The following GPHN variants were observed in gnomAD, a reference collection of about 807,000 sequenced individuals.
GPHN encodes gephyrin.
A neutral mutation model predicts 95.5 loss-of-function variants in GPHN; 17 were observed. That is an observed-to-expected ratio of 0.18 (90% CI 0.12 to 0.27). GPHN has a LOEUF of 0.27. Among genes scored for constraint, GPHN ranks in the 10% least tolerant of loss-of-function variants. The pLI is 1.00. For missense variants in GPHN, 660 were observed against 978.1 expected (o/e 0.67, Z 4.34); for synonymous variants, 320 against 322.5 (o/e 0.99, Z 0.08).
At chr14:67,232,053 G>T in the GPHN span, among the ~76,000 whole-genome samples, 2 of 151,788 alleles carry the variant, frequency 1.3e-5, no homozygotes, top group African/African-American at 4.8e-5. Context: ...TTAAAAATAT[G>T]TCTACAAATG....
At position 66,940,683 on chromosome 14, in the gene GPHN, T is replaced by C. The variant is rs58058469; in HGVS notation, c.828+16391T>C. ...AGGAATCAGTCATGCTCACCTGCAT[T>C]GTGCCTTTTAACTTCCATTACCGTC... On this transcript the variant is annotated intron_variant, in intron 8 of 22. Coordinates refer to ENST00000478722, the MANE Select transcript of GPHN (RefSeq NM_020806.5). 9.1e-4 allele frequency among the ~76,000 whole-genome samples: 139 copies of C among 152,322 alleles called. 1 individual carries two copies. The highest frequency in any genetic ancestry group is 1.5e-3 in the Non-Finnish European group (101 of 68,034).
chr14:67,698,249 G>C, the GPHN span, among the ~76,000 whole-genome samples: 1 of 152,166 alleles, frequency 6.6e-6, no homozygotes, highest in Non-Finnish European at 1.5e-5. Flanking sequence ...AATTTCAGGT[G>C]GTTTATAGAC....
the GPHN span, chr14:67,345,681 A>T: frequency 1.7e-5 from 14 of 805,844 alleles, no homozygotes; most frequent in Non-Finnish European, 2.9e-5. Flanking sequence ...TACAAAGCAC[A>T]GTATATGCTG....
At chr14:66,840,987 A>T (rs1170181846) in intron 4 of GPHN, among the ~76,000 whole-genome samples, 2 of 86,204 alleles carry the variant, frequency 2.3e-5, no homozygotes, top group African/African-American at 1.2e-4. Flanking sequence ...ATAGATATAG[A>T]TATAGATATA....
chr14:67,076,712 C>T (rs771779801), intron 11 of GPHN, among the ~76,000 whole-genome samples: 1 of 152,112 alleles, frequency 6.6e-6, no homozygotes, highest in Non-Finnish European at 1.5e-5. Context: ...GCATCAATGC[C>T]GTTACAATGG....
chr14:67,501,389 G>C, the GPHN span, among the ~76,000 whole-genome samples: 22 of 152,188 alleles, frequency 1.4e-4, no homozygotes, highest in African/African-American at 5.1e-4. Flanking sequence ...TTTTGAGACA[G>C]GATCTTGCTC....
intron 5 of GPHN, among the ~76,000 whole-genome samples, chr14:66,890,591 A>G (rs2064431701): frequency 6.6e-6 from 1 of 152,124 alleles, no homozygotes; most frequent in Non-Finnish European, 1.5e-5. Context: ...GAATGGCAGC[A>G]TTGGTCTCAT....
intron 11 of GPHN, among the ~76,000 whole-genome samples, chr14:67,073,909 A>G (rs2076401393): frequency 5.9e-5 from 9 of 152,208 alleles, no homozygotes; most frequent in Admixed American, 5.9e-4. Context: ...TAATGAATGT[A>G]CTGGTTTTCA....
intron 1 of GPHN, among the ~76,000 whole-genome samples, chr14:66,623,972 G>A (rs2063418488): frequency 6.6e-6 from 1 of 152,064 alleles, no homozygotes; most frequent in Admixed American, 6.5e-5. Flanking sequence ...ACAACTGCAG[G>A]GTTTGGACAC....
intron 2 of GPHN, among the ~76,000 whole-genome samples, chr14:66,692,511 G>A (rs776951865): frequency 5.3e-5 from 8 of 152,206 alleles, no homozygotes; most frequent in Non-Finnish European, 1.0e-4. Context: ...TCCAACCTAC[G>A]TCTCTCTAAT....
intron 8 of GPHN, 108 bp from the exon 9 acceptor site, chr14:66,965,082 CA>C: frequency 1.1e-6 from 1 of 886,112 alleles, no homozygotes; most frequent in South Asian, 1.3e-5. Flanking sequence ...TAAGTGACAC[CA>C]AATATGTCAG....
At chr14:66,843,756 A>G (rs1451034000) in intron 4 of GPHN, among the ~76,000 whole-genome samples, 1 of 152,074 alleles carries the variant, frequency 6.6e-6, no homozygotes, top group East Asian at 1.9e-4. Flanking sequence ...TTGCTCCTAA[A>G]CTGACTTTTT....
the GPHN span, among the ~76,000 whole-genome samples, chr14:67,535,724 G>A: frequency 2.5e-4 from 38 of 152,106 alleles, no homozygotes; most frequent in Non-Finnish European, 4.9e-4. Context: ...TGTTCTAGAT[G>A]CTATTGGTTT....
the GPHN span, chr14:67,729,442 G>A: frequency 1.3e-6 from 2 of 1,519,440 alleles, no homozygotes; most frequent in East Asian, 2.2e-5. Context: ...CGGACTCGCT[G>A]GGCTGTTCAT....
At chr14:67,395,579 A>G in the GPHN span, 1 of 1,613,900 alleles carries the variant, frequency 6.2e-7, no homozygotes, top group African/African-American at 1.3e-5. Flanking sequence ...CAGCTTAATG[A>G]GGAGCTGTGG....
chr14:66,518,379 A>G (rs78148222), intron 1 of GPHN, among the ~76,000 whole-genome samples: 9 of 152,220 alleles, frequency 5.9e-5, no homozygotes, highest in East Asian at 1.9e-4. Flanking sequence ...CCTCTTATAT[A>G]CTGTTAATAG....
chr14:67,071,644 T>A (rs2076314760), intron 11 of GPHN, among the ~76,000 whole-genome samples: 1 of 151,880 alleles, frequency 6.6e-6, no homozygotes, highest in Non-Finnish European at 1.5e-5. Flanking sequence ...ATAAAAAATT[T>A]AAATTTAAAT....
intron 5 of GPHN, among the ~76,000 whole-genome samples, chr14:66,898,869 C>G (rs193038894): frequency 3.0e-4 from 45 of 151,984 alleles, no homozygotes; most frequent in Non-Finnish European, 5.3e-4. Context: ...CATTATGTCT[C>G]TTCCTTTAGA....
intron 11 of GPHN, among the ~76,000 whole-genome samples, chr14:67,081,372 T>A (rs868637700): frequency 2.7e-4 from 41 of 152,076 alleles, no homozygotes; most frequent in African/African-American, 8.2e-4. Flanking sequence ...CGATTTTTTT[T>A]ATATATTTGT....
Sources: allele counts gnomAD v4.1 joint callset (sites outside exome capture counted in the v4.1 genomes callset), GRCh38; gene constraint gnomAD v4.1.1; transcripts MANE v1.5; gene names NCBI Gene and HGNC (gene_info 2026-07-23, HGNC 2026-07-21).